Variants in PLAC1 observed in about 807,000 individuals in gnomAD.
The protein encoded by PLAC1 is placenta associated 1.
For missense variants in PLAC1, 136 were observed against 163.2 expected (o/e 0.83, Z 0.91); for synonymous variants, 68 against 62.1 (o/e 1.09, Z -0.44).
At chrX:134,571,174 A>T (rs73564390) in intron 2 of PLAC1, among the ~76,000 whole-genome samples, 4,746 of 111,189 alleles carry the variant, frequency 0.043, 229 homozygotes, top group African/African-American at 0.14. Context: ...CTGCCACTTA[A>T]CTCCCCCATC....
intron 2 of PLAC1, among the ~76,000 whole-genome samples, chrX:134,704,980 G>A (rs2078597842): frequency 2.1e-5 from 2 of 94,782 alleles, no homozygotes; most frequent in Non-Finnish European, 4.0e-5. Context: ...GCAACAAAGC[G>A]AGACTCCAAC....
chrX:134,739,468 T>C (rs1470927889), intron 1 of PLAC1, among the ~76,000 whole-genome samples: 2 of 112,365 alleles, frequency 1.8e-5, no homozygotes, highest in Admixed American at 1.9e-4. Flanking sequence ...TTCAATGCTA[T>C]CCCAAGCCAG....
chrX:134,632,162 A>G (rs990026235), intron 1 of PLAC1, among the ~76,000 whole-genome samples: 3 of 111,777 alleles, frequency 2.7e-5, no homozygotes, highest in Non-Finnish European at 5.6e-5. Flanking sequence ...ATTGGTCAGC[A>G]TGAGCTCCCT....
intron 1 of PLAC1, among the ~76,000 whole-genome samples, chrX:134,632,279 A>G (rs1466889575): frequency 6.3e-5 from 7 of 111,759 alleles, no homozygotes; most frequent in East Asian, 2.8e-4. Flanking sequence ...CTCATAACCA[A>G]TTGTCCACAA....
chrX:134,743,798 T>C (rs2078722592), intron 1 of PLAC1, among the ~76,000 whole-genome samples: 1 of 112,075 alleles, frequency 8.9e-6, no homozygotes, highest in Non-Finnish European at 1.9e-5. Context: ...GAGTGGTTTC[T>C]AAAATCTCAA....
Position 134,649,252 on chromosome X carries a change from G to A in PLAC1, c.-131+9076C>T, listed in dbSNP as rs1286133356. On this transcript the variant is annotated intron_variant, in intron 1 of 2. Transcript: ENST00000359237. ...TGCACTCCAGCCCAGGTGACAGTGG[G>A]AGACTCCATCTCAAAAAAAAAAAAA... Among the ~76,000 whole-genome samples the A allele has an allele frequency of 1.5e-4, 15 of 97,176 alleles. No individual in the cohort carries two copies. In the Admixed American group the frequency reaches 1.6e-3, roughly 10 times the overall value. 84.4% of individuals were successfully genotyped at this position (97,176 alleles called of 115,157 possible).
chrX:134,659,631 A>G (rs1377515150), upstream of PLAC1, among the ~76,000 whole-genome samples: 1 of 112,290 alleles, frequency 8.9e-6, no homozygotes, highest in African/African-American at 3.2e-5. Flanking sequence ...AAGGTAAAAC[A>G]ATTCCTGCCA....
Position 134,577,613 on chromosome X carries a change from G to C in PLAC1, c.-58-10873C>G, listed in dbSNP as rs181299005. Among the ~76,000 whole-genome samples, 22 of 110,899 alleles carry C rather than the reference G, an allele frequency of 2.0e-4. No homozygotes were observed. In the South Asian group the frequency reaches 8.4e-3, roughly 42 times the overall value. ...CTGAGGCAGGAGAATCGCTTGAACT[G>C]GGGGGCAGAGGTTGCAGTGAGCTGA... On this transcript the variant is annotated intron_variant, in intron 2 of 2. Coordinates refer to ENST00000359237, the MANE Select transcript of PLAC1 (RefSeq NM_021796.4).
intron 2 of PLAC1, among the ~76,000 whole-genome samples, chrX:134,684,792 AG>A (rs1454817668): frequency 1.8e-5 from 2 of 111,946 alleles, no homozygotes; most frequent in Non-Finnish European, 3.8e-5. Flanking sequence ...TAATGGCTGG[AG>A]GGGGGAGATA....
intron 1 of PLAC1, among the ~76,000 whole-genome samples, chrX:134,604,061 G>T (rs1484862853): frequency 1.1e-4 from 12 of 112,171 alleles, no homozygotes; most frequent in Non-Finnish European, 2.1e-4. Flanking sequence ...TAGAGCTCAG[G>T]GCTCCTCATG....
At chrX:134,764,130 A>G (rs2078777999) in intron 1 of PLAC1, 1 of 112,347 alleles carries the variant, frequency 8.9e-6, no homozygotes, top group African/African-American at 3.2e-5. Context: ...CGACCTGCCA[A>G]GTTTACTGTA....
intron 1 of PLAC1, among the ~76,000 whole-genome samples, chrX:134,619,028 A>C (rs1312217972): frequency 8.9e-6 from 1 of 112,480 alleles, no homozygotes; most frequent in Non-Finnish European, 1.9e-5. Flanking sequence ...ACTATGTCCC[A>C]TGGGTACCTA....
chrX:134,646,351 G>T (rs112614835), intron 1 of PLAC1, among the ~76,000 whole-genome samples: 2,885 of 111,985 alleles, frequency 0.026, 112 homozygotes, highest in African/African-American at 0.09. Flanking sequence ...TCCCTTTTCC[G>T]TTTTCTAATT....
At chrX:134,643,446 T>C (rs2078316508) in intron 1 of PLAC1, among the ~76,000 whole-genome samples, 1 of 111,729 alleles carries the variant, frequency 9.0e-6, no homozygotes, top group Non-Finnish European at 1.9e-5. Context: ...CAATGCCAAA[T>C]TATATGAGGA....
At chrX:134,752,002 G>A (rs1267557601) in intron 1 of PLAC1, among the ~76,000 whole-genome samples, 2 of 112,006 alleles carry the variant, frequency 1.8e-5, no homozygotes, top group African/African-American at 6.5e-5. Context: ...AAAACTGTCA[G>A]GGCCAACTCT....
chrX:134,717,333 C>A (rs748692833), intron 2 of PLAC1, among the ~76,000 whole-genome samples: 1 of 111,724 alleles, frequency 9.0e-6, no homozygotes, highest in Admixed American at 9.5e-5. Flanking sequence ...AATCTCGGCT[C>A]ACTGCAATGT....
At chrX:134,591,597 G>A (rs1482630064) in intron 2 of PLAC1, among the ~76,000 whole-genome samples, 1 of 112,690 alleles carries the variant, frequency 8.9e-6, no homozygotes, top group Non-Finnish European at 1.9e-5. Context: ...AAATAACGCT[G>A]TTATAAACAT....
chrX:134,687,429 AG>A (rs2078521035), intron 2 of PLAC1, among the ~76,000 whole-genome samples: 1 of 110,371 alleles, frequency 9.1e-6, no homozygotes, highest in Non-Finnish European at 1.9e-5. Context: ...CATTAGCGTT[AG>A]TGTATTTTAT....
chrX:134,691,377 T>C (rs1339494596), intron 2 of PLAC1, among the ~76,000 whole-genome samples: 11 of 110,870 alleles, frequency 9.9e-5, no homozygotes, highest in Admixed American at 1.9e-4. Flanking sequence ...TGAGGAGCAA[T>C]GACTTCCGAG....
Sources: gnomAD v4.1 joint callset for allele counts (sites outside exome capture counted in the v4.1 genomes callset) on GRCh38, gnomAD v4.1.1 for gene constraint, MANE v1.5 for transcripts, NCBI Gene and HGNC (gene_info 2026-07-23, HGNC 2026-07-21) for gene names.